Variants in SCHIP1 observed in about 807,000 individuals in gnomAD.
The protein encoded by SCHIP1 is schwannomin interacting protein 1.
A neutral mutation model predicts 29.7 loss-of-function variants in SCHIP1; 8 were observed. The ratio of observed to expected loss-of-function variants is 0.27; its 90% CI spans 0.16 to 0.49. The LOEUF (loss-of-function observed/expected upper bound fraction) is 0.49. SCHIP1 is among the 20% of genes least tolerant of loss of function. The probability of loss-of-function intolerance (pLI) is 0.99; values close to 1 mark genes in which losing one functional copy is unlikely to be tolerated. For missense variants in SCHIP1, 193 were observed against 294.6 expected (o/e 0.66, Z 2.52); for synonymous variants, 76 against 94.9 (o/e 0.80, Z 1.16).
the SCHIP1 span, among the ~76,000 whole-genome samples, chr3:159,758,487 G>C: frequency 6.6e-6 from 1 of 151,976 alleles, no homozygotes; most frequent in African/African-American, 2.4e-5. Context: ...GCAACTTAAG[G>C]AAAGTAGAAT....
At chr3:159,309,428 G>A in the SCHIP1 span, among the ~76,000 whole-genome samples, 5 of 152,036 alleles carry the variant, frequency 3.3e-5, no homozygotes, top group East Asian at 5.8e-4. Flanking sequence ...CCTACTGCTC[G>A]TGAACTATTG....
chr3:159,433,050 C>T, the SCHIP1 span, among the ~76,000 whole-genome samples: 2 of 152,038 alleles, frequency 1.3e-5, no homozygotes, highest in African/African-American at 4.8e-5. Flanking sequence ...AAGAATTTGC[C>T]CCCAGTTTTG....
chr3:159,401,274 C>G, the SCHIP1 span: 2 of 860,766 alleles, frequency 2.3e-6, no homozygotes, highest in Non-Finnish European at 2.8e-6. Context: ...AAATGCTGAG[C>G]TTGCATTTAG....
chr3:159,370,546 T>G, the SCHIP1 span, among the ~76,000 whole-genome samples: 1 of 152,208 alleles, frequency 6.6e-6, no homozygotes, highest in Non-Finnish European at 1.5e-5. Context: ...AAACATTGTT[T>G]GTGGTTGAGT....
rs1482935441 is a variant in SCHIP1, at chr3:159,891,946, C to CA, written c.590-150dup. 3 of 791,200 alleles carry CA rather than the reference C, an allele frequency of 3.8e-6. No homozygotes were observed. The East Asian group carries it at 8.5e-5, about 22-fold the overall frequency. 49.0% of individuals were successfully genotyped at this position (791,200 alleles called of 1,614,324 possible). On this transcript the variant is annotated intron_variant, in intron 5 of 6. Coordinates refer to ENST00000445224, the Ensembl canonical transcript of SCHIP1. ...CACCTCTATAATTATGCAAACTAGA[C>CA]ACGTTTCTGCAACATACGATGTCTA...
chr3:159,437,173 C>T, the SCHIP1 span, among the ~76,000 whole-genome samples: 2 of 152,094 alleles, frequency 1.3e-5, no homozygotes, highest in African/African-American at 4.8e-5. Flanking sequence ...TCTTTTGAGA[C>T]ATCTTCATTG....
At position 159,861,674 on chromosome 3, in the gene SCHIP1, C is replaced by T. The variant is rs1560087054; in HGVS notation, c.31-4489C>T. ...ATCTGGGGCTTGAATAGCTTTTCTGCCTGATAGTGATGAGCCCTGTTCCTC... is the reference window on the plus strand; with the variant it reads ...ATCTGGGGCTTGAATAGCTTTTCTGTCTGATAGTGATGAGCCCTGTTCCTC... On this transcript the variant is annotated intron_variant, in intron 1 of 6. Coordinates refer to ENST00000445224, the Ensembl canonical transcript of SCHIP1. This position sits in a 1 kb window ranked among gnomAD's most constrained non-coding sequence, Gnocchi z 4.1. 6.6e-6 allele frequency among the ~76,000 whole-genome samples: 1 copy of T among 152,164 alleles called. No individual in the cohort carries two copies. Among genetic ancestry groups the T allele is most frequent in the Non-Finnish European group, 1.5e-5 (1 of 68,020 alleles).
the SCHIP1 span, among the ~76,000 whole-genome samples, chr3:159,486,679 T>C: frequency 2.6e-5 from 4 of 152,182 alleles, no homozygotes; most frequent in African/African-American, 9.7e-5. Context: ...AGACTAAATA[T>C]ATGGGGATTT....
At chr3:159,888,509 TC>T (rs1717174750) in intron 4 of SCHIP1, 1 of 246,256 alleles carries the variant, frequency 4.1e-6, no homozygotes, top group Admixed American at 5.0e-5. Flanking sequence ...ACTAATTTTT[TC>T]CATGTCATTG....
At chr3:159,591,890 C>A in the SCHIP1 span, among the ~76,000 whole-genome samples, 1 of 150,590 alleles carries the variant, frequency 6.6e-6, no homozygotes, top group African/African-American at 2.4e-5. Flanking sequence ...ACCTGTGTAA[C>A]AAACTTGCAC....
chr3:159,639,116 G>A, the SCHIP1 span, among the ~76,000 whole-genome samples: 1 of 151,892 alleles, frequency 6.6e-6, no homozygotes, highest in Non-Finnish European at 1.5e-5. Flanking sequence ...TTTGTGAGAG[G>A]CAGTCAGTTT....
intron 2 of SCHIP1, among the ~76,000 whole-genome samples, chr3:159,882,969 C>A (rs1716595479): frequency 2.0e-5 from 3 of 152,214 alleles, no homozygotes; most frequent in Admixed American, 2.0e-4. Context: ...CTTTATCTCT[C>A]CATGTTTCCG....
chr3:159,439,466 G>T, the SCHIP1 span, among the ~76,000 whole-genome samples: 6 of 152,024 alleles, frequency 3.9e-5, no homozygotes, highest in Admixed American at 6.6e-5. Context: ...AAACAGCATG[G>T]GGGAAACCAC....
At chr3:159,303,635 G>C in the SCHIP1 span, among the ~76,000 whole-genome samples, 3 of 152,036 alleles carry the variant, frequency 2.0e-5, no homozygotes, top group African/African-American at 7.2e-5. Context: ...GAGAGCTAGG[G>C]GAAAGCTGTG....
chr3:159,571,142 T>C, the SCHIP1 span, among the ~76,000 whole-genome samples: 1 of 152,230 alleles, frequency 6.6e-6, no homozygotes, highest in African/African-American at 2.4e-5. Context: ...TTCTCTTGCC[T>C]GATTTCCCTG....
At chr3:159,530,572 C>G in the SCHIP1 span, among the ~76,000 whole-genome samples, 1 of 152,134 alleles carries the variant, frequency 6.6e-6, no homozygotes, top group Non-Finnish European at 1.5e-5. Context: ...TTCAGGCTCC[C>G]TCTTCACCAT....
chr3:159,393,454 A>G, the SCHIP1 span, among the ~76,000 whole-genome samples: 5 of 152,134 alleles, frequency 3.3e-5, no homozygotes, highest in African/African-American at 7.2e-5. Flanking sequence ...TAGGTCTAAC[A>G]TGTAAGTCTT....
At chr3:159,376,242 C>T in the SCHIP1 span, among the ~76,000 whole-genome samples, 2 of 152,158 alleles carry the variant, frequency 1.3e-5, no homozygotes, top group Admixed American at 1.3e-4. Flanking sequence ...CAGTATTCTA[C>T]CATCCAGCAT....
chr3:159,433,174 A>G, the SCHIP1 span, among the ~76,000 whole-genome samples: 1 of 152,202 alleles, frequency 6.6e-6, no homozygotes, highest in African/African-American at 2.4e-5. Flanking sequence ...CTGAAAAAGC[A>G]TATCTGGCAC....
Sources: allele counts gnomAD v4.1 joint callset (sites outside exome capture counted in the v4.1 genomes callset), GRCh38; gene constraint gnomAD v4.1.1; non-coding constraint Gnocchi (gnomAD v3.1); transcripts MANE v1.5; gene names NCBI Gene and HGNC (gene_info 2026-07-23, HGNC 2026-07-21).